EYA1: variants seen among roughly 807,000 people sequenced by gnomAD.
EYA1 encodes the protein EYA transcriptional coactivator and phosphatase 1.
Under a neutral mutation model 82.0 loss-of-function variants are expected in EYA1, and 16 were observed. The observed-to-expected ratio is 0.20, with a 90% CI of 0.13 to 0.30. The LOEUF (loss-of-function observed/expected upper bound fraction) is 0.30, where lower values mean the gene tolerates loss of function less well. Among genes scored for constraint, EYA1 ranks in the 10% least tolerant of loss-of-function variants. The pLI is 1.00. For missense variants in EYA1, 633 were observed against 730.7 expected (o/e 0.87, Z 1.54); for synonymous variants, 261 against 264.4 (o/e 0.99, Z 0.12).
intron 7 of EYA1, among the ~76,000 whole-genome samples, chr8:71,306,831 C>T (rs1820788996): frequency 6.6e-6 from 1 of 152,186 alleles, no homozygotes; most frequent in Admixed American, 6.5e-5. Context: ...TAGACCAGTA[C>T]TAAGCAAGTC....
At chr8:71,363,761 T>C (rs1291103171), upstream of EYA1, among the ~76,000 whole-genome samples, 1 of 152,188 alleles carries the variant, frequency 6.6e-6, no homozygotes, top group Non-Finnish European at 1.5e-5. Flanking sequence ...GCAACCACAT[T>C]TATTTCTAAG....
In EYA1 at chr8:71,211,186, A is replaced by G; in HGVS notation, c.1668T>C (p.Asp556=). Residue 556 remains aspartate (D), a synonymous_variant, in exon 17 of 18, where the codon GAT becomes GAC. Transcript: ENST00000340726. ...TTGCTCCTTGTTCTTCTTCTACACCATCTCCTATAACAACATACACCACTT... is the reference window on the plus strand; with the variant it reads ...TTGCTCCTTGTTCTTCTTCTACACCGTCTCCTATAACAACATACACCACTT... ...GRKVVYVVIG[D]GVEEEQGAKK... 4 of 1,613,274 alleles carry G rather than the reference A, an allele frequency of 2.5e-6. No individual in the cohort carries two copies. Among genetic ancestry groups the G allele is most frequent in the Non-Finnish European group, 3.4e-6 (4 of 1,179,278 alleles).
At chr8:71,221,150 A>G (rs1809856160) in intron 12 of EYA1, among the ~76,000 whole-genome samples, 1 of 152,232 alleles carries the variant, frequency 6.6e-6, no homozygotes, top group Non-Finnish European at 1.5e-5. Context: ...AGCCTGGTCC[A>G]CCGCTTGTCC....
At chr8:71,512,933 G>A (rs577078126) in intron 2 of EYA1, among the ~76,000 whole-genome samples, 2 of 152,224 alleles carry the variant, frequency 1.3e-5, no homozygotes, top group East Asian at 3.9e-4. Context: ...AAGATCATGG[G>A]ATATTCAAGG....
intron 2 of EYA1, among the ~76,000 whole-genome samples, chr8:71,376,378 G>T (rs1422628887): frequency 6.6e-6 from 1 of 152,188 alleles, no homozygotes; most frequent in Non-Finnish European, 1.5e-5. Context: ...TTTTATTCTG[G>T]TTGTAATGAG....
chr8:71,364,798 T>C (rs1340590378), upstream of EYA1, among the ~76,000 whole-genome samples: 1 of 151,596 alleles, frequency 6.6e-6, no homozygotes, highest in Non-Finnish European at 1.5e-5. Flanking sequence ...ATCTTTCATA[T>C]GCTGTATCAC....
At chr8:71,232,358 G>A (rs533331626) in intron 12 of EYA1, among the ~76,000 whole-genome samples, 2 of 152,322 alleles carry the variant, frequency 1.3e-5, no homozygotes, top group East Asian at 3.9e-4. Context: ...GCCAGGCTCC[G>A]CTGCATGCCG....
At chr8:71,443,899 G>C (rs898678879) in intron 2 of EYA1, among the ~76,000 whole-genome samples, 20 of 152,204 alleles carry the variant, frequency 1.3e-4, no homozygotes, top group African/African-American at 4.8e-4. Flanking sequence ...CAAGCAGACA[G>C]CTTTCTAAAG....
intron 3 of EYA1, among the ~76,000 whole-genome samples, chr8:71,341,979 T>C (rs1312136325): frequency 1.3e-5 from 2 of 152,234 alleles, no homozygotes; most frequent in Admixed American, 1.3e-4. Flanking sequence ...TAATATATGG[T>C]AAATCACGAC....
chr8:71,199,542 T>A, intron 17 of EYA1, 122 bp from the exon 18 acceptor site: 3 of 708,126 alleles, frequency 4.2e-6, no homozygotes, highest in South Asian at 1.5e-5. Context: ...CCAGCTAACA[T>A]CTTAACATCA....
chr8:71,230,646 A>C (rs1466010351), intron 12 of EYA1, among the ~76,000 whole-genome samples: 2 of 152,222 alleles, frequency 1.3e-5, no homozygotes, highest in Admixed American at 1.3e-4. Flanking sequence ...CTGTCCCTTC[A>C]GACCACACTG....
At position 71,430,867 on chromosome 8, in the gene EYA1, G is replaced by A. The variant is rs1457683039; in HGVS notation, c.34-74356C>T. On this transcript the variant is annotated intron_variant, in intron 2 of 18. Coordinates refer to the EYA1 transcript ENST00000643681. The stretch of plus-strand genomic sequence containing the variant: ...GAAGATAAGGGGCAACTGAAACACA[G>A]GTAGTTGGAAATAAATTGGAAGACT... Among the ~76,000 whole-genome samples the A allele has an allele frequency of 4.0e-5, 6 of 150,726 alleles. No individual in the cohort carries two copies. In the East Asian group the frequency reaches 1.2e-3, roughly 29 times the overall value.
chr8:71,295,851 A>G (rs1390942467), intron 9 of EYA1, among the ~76,000 whole-genome samples: 4 of 152,200 alleles, frequency 2.6e-5, no homozygotes, highest in East Asian at 1.9e-4. Context: ...GGTGATTGGC[A>G]TGGCTAGTTG....
intron 2 of EYA1, among the ~76,000 whole-genome samples, chr8:71,434,280 A>G (rs1433702770): frequency 2.0e-5 from 3 of 152,330 alleles, no homozygotes; most frequent in Admixed American, 2.0e-4. Flanking sequence ...ATACAATTTC[A>G]CACATATAGG....
intron 2 of EYA1, among the ~76,000 whole-genome samples, chr8:71,378,040 T>C (rs1828476266): frequency 6.6e-6 from 1 of 152,098 alleles, no homozygotes; most frequent in Non-Finnish European, 1.5e-5. Flanking sequence ...TCCAACATCT[T>C]CTCCCATGTG....
intron 2 of EYA1, among the ~76,000 whole-genome samples, chr8:71,385,170 T>C (rs1362363658): frequency 2.0e-5 from 3 of 152,014 alleles, no homozygotes; most frequent in African/African-American, 7.3e-5. Context: ...ACTTAGTAAC[T>C]GAGGAATTAA....
At chr8:71,301,105 G>A (rs756013414) in intron 7 of EYA1, among the ~76,000 whole-genome samples, 4 of 152,122 alleles carry the variant, frequency 2.6e-5, no homozygotes, top group Non-Finnish European at 4.4e-5. Flanking sequence ...AGTTCAAGGA[G>A]GAATCTCTTC....
chr8:71,223,093 C>A (rs996433922), intron 12 of EYA1, among the ~76,000 whole-genome samples: 2 of 152,150 alleles, frequency 1.3e-5, no homozygotes, highest in African/African-American at 2.4e-5. Flanking sequence ...CTGTAGTAAC[C>A]GGGTCTCTGC....
At chr8:71,537,218 G>C (rs746677101) in intron 1 of EYA1, among the ~76,000 whole-genome samples, 21 of 152,092 alleles carry the variant, frequency 1.4e-4, no homozygotes, top group Non-Finnish European at 2.1e-4. Flanking sequence ...ATTTAGACAA[G>C]CCATATTAAA....
Sources: allele counts gnomAD v4.1 joint callset (sites outside exome capture counted in the v4.1 genomes callset), GRCh38; gene constraint gnomAD v4.1.1; transcripts MANE v1.5; gene names NCBI Gene and HGNC (gene_info 2026-07-23, HGNC 2026-07-21).